Variants in PRPF38B observed in about 807,000 individuals in gnomAD.
PRPF38B encodes the protein pre-mRNA processing factor 38B.
Under a neutral mutation model 67.2 loss-of-function variants are expected in PRPF38B, and 18 were observed. That is an observed-to-expected ratio of 0.27 (90% CI 0.19 to 0.40). The LOEUF (loss-of-function observed/expected upper bound fraction) is 0.40, where lower values mean the gene tolerates loss of function less well. Among genes scored for constraint, PRPF38B ranks in the 10% least tolerant of loss-of-function variants. PRPF38B has a pLI of 1.00. For synonymous variants in PRPF38B, 246 were observed against 234.2 expected (o/e 1.05, Z -0.46); for missense variants, 544 against 684.9 (o/e 0.79, Z 2.30).
chr1:108,693,649 AC>A, intron 1 of PRPF38B: 1 of 971,842 alleles, frequency 1.0e-6, no homozygotes, highest in African/African-American at 1.8e-5. Flanking sequence ...AGAGGTATGC[AC>A]TATTAATCAT....
At chr1:108,696,495 T>C (rs2101041764) in intron 4 of PRPF38B, 158 bp downstream of exon 4, 1 of 655,076 alleles carries the variant, frequency 1.5e-6, no homozygotes, top group East Asian at 2.8e-5. Flanking sequence ...TGAGACCTGA[T>C]GGCTTTTATG....
Position 108,702,759 on chromosome 1 carries a change from A to T in PRPF38B, c.*2739A>T, listed in dbSNP as rs1660639089. Among the ~76,000 whole-genome samples, 1 of 152,298 alleles carries T rather than the reference A, an allele frequency of 6.6e-6. No homozygotes were observed. Among genetic ancestry groups the T allele is most frequent in the East Asian group, 1.9e-4 (1 of 5,192 alleles). On this transcript the variant is annotated 3_prime_UTR_variant, in exon 6 of 6. Transcript: ENST00000370025. Reference sequence around the variant, plus strand: ...TAGGTAACAAACCGGCACGTTCTGCACATGTATCTGAACTTAAAGTATAAT... The same window carrying T: ...TAGGTAACAAACCGGCACGTTCTGCTCATGTATCTGAACTTAAAGTATAAT...
chr1:108,700,273 A>G lies in PRPF38B; in HGVS notation c.*253A>G. On this transcript the variant is annotated 3_prime_UTR_variant, in exon 6 of 6. Transcript: ENST00000370025. ...TTTATTGTTTGTTTTTGAAATGTAC[A>G]GTCTGTACATATGTCCTGAAAATGT... is the stretch of plus-strand genomic sequence containing the variant. 1.9e-6 allele frequency: 1 copy of G among 515,840 alleles called. No individual in the cohort carries two copies. The highest frequency in any genetic ancestry group is 4.2e-5 in the South Asian group (1 of 23,684). The allele number at this position is 515,840 out of a possible 1,614,324, so 32.0% of individuals were successfully genotyped here.
Position 108,700,926 on chromosome 1 carries a change from T to C in PRPF38B, c.*906T>C, listed in dbSNP as rs1357467899. On this transcript the variant is annotated 3_prime_UTR_variant, in exon 6 of 6. Coordinates refer to ENST00000370025, the MANE Select transcript of PRPF38B (RefSeq NM_018061.4). Reference sequence around the variant, plus strand: ...ATTCAAGCCTCAAGCTTCCAAAGCATTTTTATAAATGGAAAATCCTTAAAT... The same window carrying C: ...ATTCAAGCCTCAAGCTTCCAAAGCACTTTTATAAATGGAAAATCCTTAAAT... The C allele has an allele frequency of 6.6e-6, 1 of 152,334 alleles. No homozygotes were observed. Among genetic ancestry groups the C allele is most frequent in the African/African-American group, 2.4e-5 (1 of 41,452 alleles). The allele number at this position is 152,334 out of a possible 1,614,324, so 9.4% of individuals were successfully genotyped here.
In PRPF38B at chr1:108,692,768, C is replaced by T; in HGVS notation, c.177C>T (p.Asn59=). The T allele has an allele frequency of 6.2e-7, 1 of 1,614,174 alleles. No individual in the cohort carries two copies. The highest frequency in any genetic ancestry group is 1.1e-5 in the South Asian group (1 of 91,092). Residue 59 remains asparagine, a synonymous_variant, in exon 1 of 6, where the codon AAC becomes AAT. Transcript: ENST00000370025. ...LWGNEKTMNL[N]PMILTNILSS... ...GCAACGAGAAGACCATGAACCTCAACCCCATGATCCTGACCAACATCCTGT... is the reference window on the plus strand; with the variant it reads ...GCAACGAGAAGACCATGAACCTCAATCCCATGATCCTGACCAACATCCTGT...
At position 108,699,562 on chromosome 1, in the gene PRPF38B, A is replaced by G. The variant is rs1265703429; in HGVS notation, c.1183A>G (p.Arg395Gly). 6.4e-7 allele frequency: 1 copy of G among 1,553,806 alleles called. No homozygotes were observed. Among genetic ancestry groups the G allele is most frequent in the Non-Finnish European group, 8.7e-7 (1 of 1,148,180 alleles). ...AGAAAGGTCCAAGGAACAGAGAAGT[A>G]GGGGAGAGGTAGAAGAGAAGAAACA... The part of the protein sequence containing the change: ...SRERSKEQRS[R>G]GEVEEKKHKE... Residue 395 changes from arginine to glycine, a missense_variant, in exon 6 of 6, where the codon AGG (arginine) becomes GGG (glycine). Arg to Gly is a moderately radical substitution (Grantham distance 125). Around this residue, in one of 5 missense-constraint regions of PRPF38B, gnomAD observed 387 missense variants for 386.1 expected, o/e 1.00. Transcript: ENST00000370025.
In PRPF38B at chr1:108,696,297, A is replaced by G. The variant is rs754177679; in HGVS notation, c.518A>G (p.Asp173Gly). Reference sequence around the variant, plus strand: ...TCTAGATATACACAGCCCCCTACAGATCTGTGGGACTGGTTTGAATCCTTC... The same window carrying G: ...TCTAGATATACACAGCCCCCTACAGGTCTGTGGGACTGGTTTGAATCCTTC... Reference protein sequence around the residue: ...MYIRYTQPPTDLWDWFESFLD... With the variant: ...MYIRYTQPPTGLWDWFESFLD... Residue 173 changes from aspartate to glycine, a missense_variant, in exon 4 of 6, where the codon GAT (aspartate) becomes GGT (glycine). Coordinates refer to ENST00000370025, the MANE Select transcript of PRPF38B (RefSeq NM_018061.4). 1 of 1,612,894 alleles carries G rather than the reference A, an allele frequency of 6.2e-7. No individual in the cohort carries two copies. Among genetic ancestry groups the G allele is most frequent in the African/African-American group, 1.3e-5 (1 of 74,996 alleles).
chr1:108,693,135 G>A (rs532194362), intron 1 of PRPF38B, among the ~76,000 whole-genome samples: 1 of 152,332 alleles, frequency 6.6e-6, no homozygotes, highest in East Asian at 1.9e-4. Flanking sequence ...GGGGAGTTGG[G>A]CAAGAGGGAT....
intron 4 of PRPF38B, chr1:108,696,779 A>G (rs1659900698): frequency 1.4e-6 from 1 of 716,616 alleles, no homozygotes; most frequent in Non-Finnish European, 2.6e-6. Context: ...CAGTATTCCC[A>G]CTTGCATAGA....
At chr1:108,693,927 A>C (rs190343182) in intron 1 of PRPF38B, among the ~76,000 whole-genome samples, 2 of 152,326 alleles carry the variant, frequency 1.3e-5, no homozygotes, top group East Asian at 3.9e-4. Flanking sequence ...CACTCTTAAA[A>C]ACTTGACAGA....
rs1328613533 is a variant in PRPF38B, at chr1:108,699,612, G to T, written c.1233G>T (p.Arg411=). The change falls in exon 6 of 6, where the codon CGG becomes CGT. Residue 411 remains arginine, a synonymous_variant. Transcript: ENST00000370025. The part of the protein sequence containing the change: ...KKHKEDKDDR[R]HRDDKRDSKK... ...ATAAAGAAGACAAAGATGATAGGCG[G>T]CACAGAGATGACAAAAGAGATTCCA... 2.6e-6 allele frequency: 4 copies of T among 1,553,910 alleles called. No homozygotes were observed. The East Asian group carries it at 9.8e-5, about 38-fold the overall frequency.
Position 108,699,457 on chromosome 1 carries a change from A to G in PRPF38B, c.1078A>G (p.Asn360Asp), listed in dbSNP as rs775365402. 1.2e-6 allele frequency: 2 copies of G among 1,612,880 alleles called. No individual in the cohort carries two copies. The highest frequency in any genetic ancestry group is 1.7e-6 in the Non-Finnish European group (2 of 1,179,332). ...RDRDREREKENERGRRRDRDY... is the reference protein window; with the variant it reads ...RDRDREREKEDERGRRRDRDY... ...CAGGGATCGAGAAAGAGAGAAAGAA[A>G]ATGAGAGAGGTAGAAGACGAGATCG... The change falls in exon 6 of 6, where the codon AAT becomes GAT. Residue 360 changes from asparagine (N) to aspartate (D), a missense_variant. Transcript: ENST00000370025.
Position 108,699,513 on chromosome 1 carries a change from A to C in PRPF38B, c.1134A>C (p.Arg378=). 1 of 1,567,554 alleles carries C rather than the reference A, an allele frequency of 6.4e-7. No individual in the cohort carries two copies. The highest frequency in any genetic ancestry group is 8.7e-7 in the Non-Finnish European group (1 of 1,156,020). ...RDYDKERGNE[R]EKERERSRER... ...ATGATAAGGAAAGAGGAAATGAACGAGAAAAAGAGAGAGAGCGATCAAGAG... is the reference window on the plus strand; with the variant it reads ...ATGATAAGGAAAGAGGAAATGAACGCGAAAAAGAGAGAGAGCGATCAAGAG... The change falls in exon 6 of 6, where the codon CGA becomes CGC. Residue 378 remains arginine, a synonymous_variant. Coordinates refer to ENST00000370025, the MANE Select transcript of PRPF38B (RefSeq NM_018061.4).
At position 108,699,710 on chromosome 1, in the gene PRPF38B, C is replaced by T; in HGVS notation, c.1331C>T (p.Ala444Val). ...KHRSRSRSRNAGKRSRSRSKE... is the reference protein window; with the variant it reads ...KHRSRSRSRNVGKRSRSRSKE... ...AGAAGTAGGAGTCGAAGTAGAAATG[C>T]AGGGAAACGAAGTAGAAGTAGAAGC... Residue 444 changes from alanine (A) to valine (V), a missense_variant, in exon 6 of 6, where the codon GCA becomes GTA. Ala to Val is a moderately conservative substitution (Grantham distance 64). Coordinates refer to ENST00000370025, the MANE Select transcript of PRPF38B (RefSeq NM_018061.4). 6.2e-7 allele frequency: 1 copy of T among 1,611,092 alleles called. No homozygotes were observed. The highest frequency in any genetic ancestry group is 8.5e-7 in the Non-Finnish European group (1 of 1,178,454).
At position 108,692,871 on chromosome 1, in the gene PRPF38B, C is replaced by G. The variant is rs755100627; in HGVS notation, c.276+4C>G. On this transcript the variant is annotated splice_donor_region_variant and intron_variant, in intron 1 of 5. Coordinates refer to ENST00000370025, the MANE Select transcript of PRPF38B (RefSeq NM_018061.4). ...GGTGGACGAGATCTACTTTAAGGTA[C>G]GAAGTGTGTAGGCCTTGGCTTTGGG... 3 of 1,613,308 alleles carry G rather than the reference C, an allele frequency of 1.9e-6. No homozygotes were observed. The highest frequency in any genetic ancestry group is 1.1e-5 in the South Asian group (1 of 91,010).
rs748128299 is a variant in PRPF38B, at chr1:108,699,973, C to A, written c.1594C>A (p.Gln532Lys). ...TCGTCGAAGGAGCCAAAGTATAGAACAAGAGAGCCAAGAAAAACAGCATAA... is the reference window on the plus strand; with the variant it reads ...TCGTCGAAGGAGCCAAAGTATAGAAAAAGAGAGCCAAGAAAAACAGCATAA... ...HDRRRSQSIE[Q>K]ESQEKQHKNK... The change falls in exon 6 of 6, where the codon CAA (glutamine) becomes AAA (lysine). Residue 532 changes from glutamine (Q) to lysine (K), a missense_variant. This residue lies in a region of PRPF38B where 387 missense variants were observed against 386.1 expected (regional missense o/e 1.00). Transcript: ENST00000370025. 2 of 1,592,928 alleles carry A rather than the reference C, an allele frequency of 1.3e-6. No homozygotes were observed. Among genetic ancestry groups the A allele is most frequent in the South Asian group, 1.1e-5 (1 of 87,690 alleles).
In PRPF38B at chr1:108,692,320, CA is replaced by C. The variant is rs995133075; in HGVS notation, c.-271del. On this transcript the variant is annotated 5_prime_UTR_variant, in exon 1 of 6. Transcript: ENST00000370025. Reference sequence around the variant, plus strand: ...TCCGCCGGGCCCGCCATCTTGTTCCCAGGGGCAGTTGGCGGAAGAGATCGAG... The same window carrying C: ...TCCGCCGGGCCCGCCATCTTGTTCCCGGGGCAGTTGGCGGAAGAGATCGAG... 2 of 508,912 alleles carry C rather than the reference CA, an allele frequency of 3.9e-6. No individual in the cohort carries two copies. The highest frequency in any genetic ancestry group is 3.5e-5 in the East Asian group (1 of 28,818). 31.5% of individuals were successfully genotyped at this position (508,912 alleles called of 1,614,324 possible).
At chr1:108,698,954 C>T (rs565552099) in intron 5 of PRPF38B, 127 bp downstream of exon 5, 3 of 1,295,328 alleles carry the variant, frequency 2.3e-6, no homozygotes, top group Non-Finnish European at 2.1e-6. Context: ...CACTTTTACC[C>T]CCCAAAGATT....
At position 108,699,946 on chromosome 1, in the gene PRPF38B, G is replaced by C; in HGVS notation, c.1567G>C (p.Asp523His). The C allele has an allele frequency of 6.2e-7, 1 of 1,613,622 alleles. No homozygotes were observed. The highest frequency in any genetic ancestry group is 2.2e-5 in the East Asian group (1 of 44,876). Residue 523 changes from aspartate (D) to histidine (H), a missense_variant, in exon 6 of 6, where the codon GAT (aspartate) becomes CAT (histidine). Transcript: ENST00000370025. ...TAGTAAGGACCAGTCAGACAAACAT[G>C]ATCGTCGAAGGAGCCAAAGTATAGA... ...SDSKDQSDKH[D>H]RRRSQSIEQE...
Sources: allele counts gnomAD v4.1 joint callset (sites outside exome capture counted in the v4.1 genomes callset), GRCh38; gene constraint gnomAD v4.1.1; regional missense constraint gnomAD v4.1.1; transcripts MANE v1.5; gene names NCBI Gene and HGNC (gene_info 2026-07-23, HGNC 2026-07-21).